The following FHL2 variants were observed in gnomAD, a reference collection of about 807,000 sequenced individuals.
The protein encoded by FHL2 is four and a half LIM domains protein 2.
A neutral mutation model predicts 32.7 loss-of-function variants in FHL2; 20 were observed. The observed-to-expected ratio is 0.61, with a 90% CI of 0.43 to 0.89. The LOEUF is 0.89. Among genes scored for constraint, FHL2 ranks in the 40% least tolerant of loss-of-function variants. FHL2 has a pLI of 0.00. For synonymous variants in FHL2, 123 were observed against 128.1 expected, an observed-to-expected ratio of 0.96 and a Z score of 0.27; for missense variants, 311 against 358.6, an observed-to-expected ratio of 0.87 and a Z score of 1.07.
Position 105,386,541 on chromosome 2 carries a change from C to A in FHL2, c.-24-1G>T, listed in dbSNP as rs938896509. Reference sequence around the variant, plus strand: ...TTTTGACTCCTGGCTTTTCAGCAACCTATCAAAAAGAAAAGAAAATCCAAG... The same window carrying A: ...TTTTGACTCCTGGCTTTTCAGCAACATATCAAAAAGAAAAGAAAATCCAAG... On this transcript the variant is annotated splice_acceptor_variant, in intron 2 of 6. Coordinates refer to ENST00000530340, the MANE Select transcript of FHL2 (RefSeq NM_001318895.3). LOFTEE classifies it low-confidence loss of function (5UTR_SPLICE). The A allele has an allele frequency of 2.5e-6, 4 of 1,613,562 alleles. No individual in the cohort carries two copies. Among genetic ancestry groups the A allele is most frequent in the Non-Finnish European group, 3.4e-6 (4 of 1,179,906 alleles).
chr2:105,373,526 T>C, intron 4 of FHL2, 33 bp downstream of exon 4: 1 of 1,613,294 alleles, frequency 6.2e-7, no homozygotes, highest in Non-Finnish European at 8.5e-7. Flanking sequence ...GAAGCTAGAC[T>C]GGCTCACGCA....
At chr2:105,402,177 CTGTA>C (rs138360273), upstream of FHL2, among the ~76,000 whole-genome samples, 1,403 of 147,650 alleles carry the variant, frequency 9.5e-3, 22 homozygotes, top group African/African-American at 0.034. Context: ...ATATATGTAT[CTGTA>C]TGTATATATG....
At chr2:105,424,837 C>T (rs1006861412) in intron 1 of FHL2, among the ~76,000 whole-genome samples, 3 of 152,140 alleles carry the variant, frequency 2.0e-5, no homozygotes, top group African/African-American at 7.2e-5. Context: ...CACATGGACA[C>T]ACGGAGGGGA....
At chr2:105,390,618 C>A (rs571650180) in intron 2 of FHL2, among the ~76,000 whole-genome samples, 1 of 152,296 alleles carries the variant, frequency 6.6e-6, no homozygotes, top group African/African-American at 2.4e-5. Flanking sequence ...AGGAGCACAG[C>A]AGGATGCACT....
intron 4 of FHL2, among the ~76,000 whole-genome samples, chr2:105,372,560 A>G (rs1214672446): frequency 6.6e-6 from 1 of 152,118 alleles, no homozygotes; most frequent in Admixed American, 6.5e-5. Flanking sequence ...CCCATATGTC[A>G]GTCTCTTCAG....
intron 5 of FHL2, among the ~76,000 whole-genome samples, chr2:105,366,568 C>A (rs1233306357): frequency 6.6e-6 from 1 of 152,150 alleles, no homozygotes; most frequent in East Asian, 1.9e-4. Flanking sequence ...ATAAGAATTG[C>A]GTGTGTCTAA....
intron 4 of FHL2, among the ~76,000 whole-genome samples, chr2:105,370,032 G>T (rs1227803081): frequency 6.6e-6 from 1 of 152,186 alleles, no homozygotes; most frequent in South Asian, 2.1e-4. Flanking sequence ...CAAGTCTCCC[G>T]CAGGCGGAAG....
upstream of FHL2, among the ~76,000 whole-genome samples, chr2:105,401,779 T>C (rs975016634): frequency 9.9e-5 from 15 of 152,060 alleles, no homozygotes; most frequent in African/African-American, 3.6e-4. Flanking sequence ...AAAATAAAAG[T>C]AGAGAACACT....
chr2:105,437,056 A>G (rs1246364370), intron 1 of FHL2, among the ~76,000 whole-genome samples: 2 of 152,206 alleles, frequency 1.3e-5, no homozygotes, highest in Admixed American at 1.3e-4. Flanking sequence ...AGAACTCTGG[A>G]AGCCCTGAAT....
At chr2:105,365,293 T>G (rs1680548522) in intron 5 of FHL2, among the ~76,000 whole-genome samples, 1 of 152,124 alleles carries the variant, frequency 6.6e-6, no homozygotes, top group East Asian at 1.9e-4. Context: ...TACAGTTAAG[T>G]GTCTGCATCT....
At chr2:105,368,210 C>G (rs540898904) in intron 4 of FHL2, among the ~76,000 whole-genome samples, 1 of 152,304 alleles carries the variant, frequency 6.6e-6, no homozygotes, top group South Asian at 2.1e-4. Flanking sequence ...CCTGGAACCT[C>G]GAACCTGATT....
chr2:105,368,167 C>T (rs55680124), intron 4 of FHL2, among the ~76,000 whole-genome samples: 19,297 of 152,188 alleles, frequency 0.13, 1,534 homozygotes, highest in Admixed American at 0.25. Flanking sequence ...GTCTGGTTCA[C>T]AGCAGGATGG....
upstream of FHL2, among the ~76,000 whole-genome samples, chr2:105,402,415 T>G (rs1462121340): frequency 6.6e-6 from 1 of 152,058 alleles, no homozygotes; most frequent in Non-Finnish European, 1.5e-5. Flanking sequence ...CCCGGCTAAT[T>G]TTTTATAATT....
chr2:105,408,653 CAGTT>C (rs1683705839), intron 1 of FHL2, among the ~76,000 whole-genome samples: 1 of 152,214 alleles, frequency 6.6e-6, no homozygotes, highest in Admixed American at 6.5e-5. Context: ...ATGGGGCAGA[CAGTT>C]AGTGAGCATA....
chr2:105,410,072 T>C (rs1683748073), intron 1 of FHL2, among the ~76,000 whole-genome samples: 2 of 152,232 alleles, frequency 1.3e-5, no homozygotes, highest in Non-Finnish European at 1.5e-5. Flanking sequence ...TCCAGAAGGC[T>C]GGACCCAGAC....
chr2:105,391,390 G>A (rs1682722893), intron 2 of FHL2, among the ~76,000 whole-genome samples: 1 of 152,176 alleles, frequency 6.6e-6, no homozygotes, highest in African/African-American at 2.4e-5. Context: ...GAGCAGGCAG[G>A]CATCCCAGAG....
At chr2:105,423,696 T>A (rs1007154326) in intron 1 of FHL2, among the ~76,000 whole-genome samples, 7 of 152,078 alleles carry the variant, frequency 4.6e-5, no homozygotes, top group Non-Finnish European at 8.8e-5. Context: ...CAGTGGAACA[T>A]AACAGAGGCC....
intron 1 of FHL2, among the ~76,000 whole-genome samples, chr2:105,424,959 A>G (rs999903161): frequency 6.6e-6 from 1 of 152,150 alleles, no homozygotes; most frequent in African/African-American, 2.4e-5. Context: ...ACCGTGGCAC[A>G]TGTGTACCTA....
chr2:105,367,791 G>C lies in FHL2; in HGVS notation c.332-52C>G, dbSNP rs765265928. The C allele has an allele frequency of 3.2e-6, 5 of 1,556,528 alleles. No homozygotes were observed. In the Admixed American group the frequency reaches 7.3e-5, roughly 23 times the overall value. On this transcript the variant is annotated intron_variant, in intron 4 of 6. Transcript: ENST00000530340. ...GCAGAGTTATGGTTAGAGGGGTGTG[G>C]AGTCCCAGCAATCTGCCTTCAGAGC... is the stretch of plus-strand genomic sequence containing the variant.
Sources: gnomAD v4.1 joint callset for allele counts (sites outside exome capture counted in the v4.1 genomes callset) on GRCh38, gnomAD v4.1.1 for gene constraint, MANE v1.5 for transcripts, NCBI Gene and HGNC (gene_info 2026-07-23, HGNC 2026-07-21) for gene names.